CILK1: variants seen among roughly 807,000 people sequenced by gnomAD.
CILK1 encodes the protein serine/threonine-protein kinase ICK.
Under a neutral mutation model 79.2 loss-of-function variants are expected in CILK1, and 47 were observed. The ratio of observed to expected loss-of-function variants is 0.59; its 90% CI spans 0.47 to 0.76. The LOEUF is 0.76. Ranked by LOEUF, CILK1 falls within the 30% of genes least tolerant of loss-of-function variation. The pLI, the probability that CILK1 is intolerant of heterozygous loss-of-function variation, is 0.00. For missense variants in CILK1, 660 were observed against 769.5 expected, an observed-to-expected ratio of 0.86 and a Z score of 1.68; for synonymous variants, 266 against 275.9, an observed-to-expected ratio of 0.96 and a Z score of 0.36.
chr6:53,032,872 T>C (rs1766062478), intron 3 of CILK1, among the ~76,000 whole-genome samples: 1 of 152,198 alleles, frequency 6.6e-6, no homozygotes, highest in Non-Finnish European at 1.5e-5. Flanking sequence ...GTAGAAGGTA[T>C]GTATTCGACC....
At chr6:53,023,686 T>C (rs1024000888) in intron 5 of CILK1, among the ~76,000 whole-genome samples, 2 of 152,224 alleles carry the variant, frequency 1.3e-5, no homozygotes, top group Non-Finnish European at 2.9e-5. Flanking sequence ...GTGATTGTGA[T>C]GTGGTTATAT....
intron 6 of CILK1, among the ~76,000 whole-genome samples, chr6:53,018,866 T>C (rs551170728): frequency 6.6e-6 from 1 of 152,220 alleles, no homozygotes; most frequent in Non-Finnish European, 1.5e-5. Context: ...TACTTGGTCA[T>C]GGCAAACTGC....
Position 53,019,364 on chromosome 6 carries a change from A to C in CILK1, c.359-5T>G. 6.2e-7 allele frequency: 1 copy of C among 1,614,038 alleles called. No homozygotes were observed. Among genetic ancestry groups the C allele is most frequent in the Non-Finnish European group, 8.5e-7 (1 of 1,179,906 alleles). On this transcript the variant is annotated splice_region_variant and splice_polypyrimidine_tract_variant and intron_variant, in intron 5 of 13. Coordinates refer to ENST00000676107, the MANE Select transcript of CILK1 (RefSeq NM_014920.5). ...TTAAGTCTCGATGAAAGAAGCCTAT[A>C]GAGACAGTAGAGGAGAAGAAATCCA...
chr6:53,010,151 G>A (rs975709500), intron 11 of CILK1, among the ~76,000 whole-genome samples: 5 of 152,098 alleles, frequency 3.3e-5, no homozygotes, highest in Non-Finnish European at 7.3e-5. Context: ...ACTGTAATTC[G>A]AGGCTTGGCC....
chr6:53,011,046 G>A (rs551140660), intron 11 of CILK1, among the ~76,000 whole-genome samples: 1 of 152,300 alleles, frequency 6.6e-6, no homozygotes, highest in Admixed American at 6.5e-5. Flanking sequence ...AATGCTGTAA[G>A]TTTGGAATAT....
In CILK1 at chr6:53,001,659, T is replaced by G. The variant is rs1412976153; in HGVS notation, c.*3490A>C. 1 of 152,672 alleles carries G rather than the reference T, an allele frequency of 6.5e-6. No homozygotes were observed. The highest frequency in any genetic ancestry group is 1.5e-5 in the Non-Finnish European group (1 of 68,050). The allele number at this position is 152,672 out of a possible 1,614,324, so 9.5% of individuals were successfully genotyped here. A position where few individuals can be genotyped will look rare whatever the true frequency, so the allele number is the denominator to read the frequency against. The stretch of plus-strand genomic sequence containing the variant: ...ACCTCTAGTTTGTTTTCCTAATGGC[T>G]TCCATGAGAAGGTCCTCACAATAAA... On this transcript the variant is annotated 3_prime_UTR_variant, in exon 14 of 14. Transcript: ENST00000676107.
intron 1 of CILK1, among the ~76,000 whole-genome samples, chr6:53,044,666 C>T (rs1766942693): frequency 1.3e-5 from 2 of 152,160 alleles, no homozygotes; most frequent in South Asian, 4.1e-4. Context: ...TCCAAATTCA[C>T]ATGTTAAAGC....
At chr6:53,007,425 A>G (rs1764294757) in intron 12 of CILK1, among the ~76,000 whole-genome samples, 1 of 152,228 alleles carries the variant, frequency 6.6e-6, no homozygotes, top group Non-Finnish European at 1.5e-5. Flanking sequence ...GTCAATAAAC[A>G]CAAGAAAAGA....
At chr6:53,025,240 C>T (rs1220523647) in intron 5 of CILK1, among the ~76,000 whole-genome samples, 1 of 152,100 alleles carries the variant, frequency 6.6e-6, no homozygotes, top group African/African-American at 2.4e-5. Context: ...ATTATTATTT[C>T]CAAACTTATG....
chr6:53,025,632 T>A (rs112940247), intron 5 of CILK1, among the ~76,000 whole-genome samples: 5 of 152,248 alleles, frequency 3.3e-5, no homozygotes, highest in African/African-American at 1.2e-4. Context: ...TACTTCAGGC[T>A]CAAAACAAGC....
rs975508152 is a variant in CILK1, at chr6:53,008,038, T to C, written c.1621+1401A>G. ...GTACCCAGAGGAATCCTCACACATG[T>C]GCATAACAATAGGGGTACAATAATC... is the stretch of plus-strand genomic sequence containing the variant. On this transcript the variant is annotated intron_variant, in intron 12 of 13. Coordinates refer to ENST00000676107, the MANE Select transcript of CILK1 (RefSeq NM_014920.5). Among the ~76,000 whole-genome samples the C allele has an allele frequency of 2.0e-5, 3 of 151,728 alleles. No homozygotes were observed. The South Asian group carries it at 6.2e-4, about 31-fold the overall frequency.
chr6:53,051,011 G>T (rs1767445445), intron 1 of CILK1, among the ~76,000 whole-genome samples: 1 of 152,128 alleles, frequency 6.6e-6, no homozygotes, highest in Non-Finnish European at 1.5e-5. Flanking sequence ...GGCAGATCTG[G>T]CCTCTGGGGA....
chr6:53,060,265 C>T (rs1399613044), intron 1 of CILK1, among the ~76,000 whole-genome samples: 2 of 152,138 alleles, frequency 1.3e-5, no homozygotes, highest in East Asian at 1.9e-4. Flanking sequence ...GTGAAAAGGC[C>T]TTTTCTTTGT....
chr6:53,049,859 T>C (rs1181581706), intron 1 of CILK1, among the ~76,000 whole-genome samples: 2 of 152,128 alleles, frequency 1.3e-5, no homozygotes, highest in Non-Finnish European at 2.9e-5. Context: ...TGGCTGGGAC[T>C]ATAGGCATGC....
intron 1 of CILK1, among the ~76,000 whole-genome samples, chr6:53,046,588 C>T (rs1175761898): frequency 6.6e-6 from 1 of 152,154 alleles, no homozygotes; most frequent in African/African-American, 2.4e-5. Flanking sequence ...CTCACCATAC[C>T]ATGGCAGTTA....
intron 5 of CILK1, among the ~76,000 whole-genome samples, chr6:53,029,274 C>T (rs1293557379): frequency 6.6e-6 from 1 of 152,146 alleles, no homozygotes; most frequent in South Asian, 2.1e-4. Context: ...CCCTAAGATA[C>T]CATGCCAGAA....
intron 5 of CILK1, among the ~76,000 whole-genome samples, chr6:53,030,792 T>G (rs1158647917): frequency 6.6e-6 from 1 of 152,228 alleles, no homozygotes; most frequent in Non-Finnish European, 1.5e-5. Context: ...TCATTTAACA[T>G]ACTACTCAAT....
chr6:53,051,127 A>G (rs1767453486), intron 1 of CILK1, among the ~76,000 whole-genome samples: 1 of 152,218 alleles, frequency 6.6e-6, no homozygotes, highest in Admixed American at 6.5e-5. Context: ...CCAGTGCACA[A>G]GGAAGGAGTC....
intron 3 of CILK1, among the ~76,000 whole-genome samples, chr6:53,032,862 G>A (rs1396339817): frequency 2.0e-5 from 3 of 152,156 alleles, no homozygotes; most frequent in Non-Finnish European, 4.4e-5. Flanking sequence ...AATGAACTGA[G>A]TAGAAGGTAT....
Sources: gnomAD v4.1 joint callset for allele counts (sites outside exome capture counted in the v4.1 genomes callset) on GRCh38, gnomAD v4.1.1 for gene constraint, MANE v1.5 for transcripts, NCBI Gene and HGNC (gene_info 2026-07-23, HGNC 2026-07-21) for gene names.